Variants in SPATC1L observed in about 807,000 individuals in gnomAD.
SPATC1L encodes the protein speriolin-like protein.
SPATC1L carries 20 observed loss-of-function variants against 21.2 expected under a neutral mutation model. That is an observed-to-expected ratio of 0.94 (90% CI 0.66 to 1.37). SPATC1L has a LOEUF of 1.37. Among genes scored for constraint, SPATC1L ranks in the 40% most tolerant of loss-of-function variants. SPATC1L has a pLI of 0.00. For synonymous variants in SPATC1L, 290 were observed against 234.5 expected (o/e 1.24, Z -2.16); for missense variants, 499 against 478.7 (o/e 1.04, Z -0.40).
chr21:46,171,107 G>C lies in SPATC1L; in HGVS notation c.194-2449C>G, dbSNP rs963730283. ...TCACTTTCTTTGCTTTCCACACCAA[G>C]GGGGAGGGTCCATGCCCACCAACAC... On this transcript the variant is annotated intron_variant, in intron 2 of 4. Coordinates refer to ENST00000291672, the MANE Select transcript of SPATC1L (RefSeq NM_001142854.2). Among the ~76,000 whole-genome samples the C allele has an allele frequency of 7.9e-5, 12 of 152,354 alleles. No homozygotes were observed. The South Asian group carries it at 2.5e-3, about 32-fold the overall frequency.
intron 2 of SPATC1L, among the ~76,000 whole-genome samples, chr21:46,169,316 GC>G (rs1239795911): frequency 6.8e-6 from 1 of 146,972 alleles, no homozygotes; most frequent in Non-Finnish European, 1.5e-5. Context: ...ATGGGGAGGA[GC>G]CTCCTGCTCT....
rs575988996 is a variant in SPATC1L, at chr21:46,167,550, C to T, written c.544+758G>A. ...AATTGACAGGCCAGGCATGGTGGCT[C>T]ATGCCTGTAATCCCAGCATTTTGGG... On this transcript the variant is annotated intron_variant, in intron 3 of 4. Transcript: ENST00000291672. 2.5e-4 allele frequency among the ~76,000 whole-genome samples: 38 copies of T among 152,280 alleles called. 1 individual carries two copies. Among genetic ancestry groups the T allele is most frequent in the South Asian group, 2.3e-3 (11 of 4,822 alleles).
chr21:46,174,866 C>T (rs2079620984), intron 2 of SPATC1L, among the ~76,000 whole-genome samples: 2 of 152,236 alleles, frequency 1.3e-5, no homozygotes, highest in Non-Finnish European at 2.9e-5. Context: ...ACATTCTTCT[C>T]ATTGCCACAT....
At chr21:46,174,667 T>G (rs1283042844) in intron 2 of SPATC1L, among the ~76,000 whole-genome samples, 3 of 152,148 alleles carry the variant, frequency 2.0e-5, no homozygotes, top group Admixed American at 1.3e-4. Flanking sequence ...ATAAAGCAAG[T>G]TCTCAGAGAC....
chr21:46,178,400 T>C (rs1177266940), intron 2 of SPATC1L, among the ~76,000 whole-genome samples: 2 of 151,872 alleles, frequency 1.3e-5, no homozygotes. Flanking sequence ...CGTGGACACA[T>C]AGAGGGGAAC....
chr21:46,164,002 ATTGT>A (rs367633510), intron 3 of SPATC1L, among the ~76,000 whole-genome samples: 73 of 151,834 alleles, frequency 4.8e-4, no homozygotes, highest in South Asian at 4.6e-3. Flanking sequence ...TTATTTATTT[ATTGT>A]TTGTTTGTTT....
rs571011135 is a variant in SPATC1L, at chr21:46,164,717, G to A, written c.545-2650C>T. ...TGAGGCAGGAGAATGGCTTGAACCCGGGAGGTGGATGTTGCAGTGAGCCGA... is the reference window on the plus strand; with the variant it reads ...TGAGGCAGGAGAATGGCTTGAACCCAGGAGGTGGATGTTGCAGTGAGCCGA... On this transcript the variant is annotated intron_variant, in intron 3 of 4. Transcript: ENST00000291672. 1.1e-4 allele frequency among the ~76,000 whole-genome samples: 16 copies of A among 151,222 alleles called. No individual in the cohort carries two copies. In the East Asian group the frequency reaches 1.9e-3, roughly 18 times the overall value.
Position 46,182,613 on chromosome 21 carries a change from C to A in SPATC1L, c.193+11G>T. 1 of 1,469,658 alleles carries A rather than the reference C, an allele frequency of 6.8e-7. No homozygotes were observed. The highest frequency in any genetic ancestry group is 9.0e-7 in the Non-Finnish European group (1 of 1,110,764). The allele number at this position is 1,469,658 out of a possible 1,614,324, so 91.0% of individuals were successfully genotyped here. On this transcript the variant is annotated intron_variant, in intron 2 of 4. Transcript: ENST00000291672. ...CATCTACCAGGCCATCTGAGCTGGG[C>A]GGCGCCTCACCTCCGCTCCCGGGGG...
At chr21:46,171,764 C>G (rs2079592056) in intron 2 of SPATC1L, among the ~76,000 whole-genome samples, 1 of 151,882 alleles carries the variant, frequency 6.6e-6, no homozygotes, top group African/African-American at 2.4e-5. Context: ...TGATTATTCC[C>G]CAGAGGGCTG....
At chr21:46,168,696 T>A (rs569011729) in intron 2 of SPATC1L, 38 bp from the exon 3 acceptor site, 195 of 1,308,042 alleles carry the variant, frequency 1.5e-4, no homozygotes, top group Admixed American at 1.9e-4. Context: ...ATCAGGCTGA[T>A]GCTCCTAAAA....
rs12482867 is a variant in SPATC1L at position 46,169,358 on chromosome 21, C to T, written c.194-700G>A. Among the ~76,000 whole-genome samples the T allele has an allele frequency of 1.4e-3, 142 of 98,580 alleles. 1 individual carries two copies. The highest frequency in any genetic ancestry group is 4.8e-3 in the African/African-American group (120 of 24,902). 64.7% of individuals were successfully genotyped at this position (98,580 alleles called of 152,430 possible). A position where few individuals can be genotyped will look rare whatever the true frequency, so the allele number is the denominator to read the frequency against. On this transcript the variant is annotated intron_variant, in intron 2 of 4. Coordinates refer to ENST00000291672, the MANE Select transcript of SPATC1L (RefSeq NM_001142854.2). ...CATCCTCTGTGGATGGGGAGGAGCC[C>T]CCTGCTCTGTGAGCATCCTCTGTGG...
chr21:46,168,986 C>T (rs1288691927), intron 2 of SPATC1L, among the ~76,000 whole-genome samples: 3 of 152,346 alleles, frequency 2.0e-5, no homozygotes, highest in Non-Finnish European at 2.9e-5. Flanking sequence ...TTAAGTTGTA[C>T]ATAAATGGTA....
In SPATC1L at chr21:46,161,950, AAGCCGTAG is replaced by A. The variant is rs1568995751; in HGVS notation, c.654_661del (p.Tyr219HisfsTer?). ...CTTCTCGGGGATGTTGGCCACCGTG[AAGCCGTAG>A]AGCCGCGTCACGCCCGGGAACACGT... On this transcript the variant is annotated frameshift_variant, in exon 4 of 5. Coordinates refer to ENST00000291672, the MANE Select transcript of SPATC1L (RefSeq NM_001142854.2). LOFTEE classifies it low-confidence loss of function (END_TRUNC). The A allele has an allele frequency of 6.2e-7, 1 of 1,608,248 alleles. No homozygotes were observed. Among genetic ancestry groups the A allele is most frequent in the East Asian group, 2.2e-5 (1 of 44,826 alleles).
In SPATC1L at chr21:46,161,348, AC is replaced by A. The variant is rs1388076971; in HGVS notation, c.*30del. 6.7e-7 allele frequency: 1 copy of A among 1,482,292 alleles called. No homozygotes were observed. The highest frequency in any genetic ancestry group is 8.9e-7 in the Non-Finnish European group (1 of 1,121,906). The allele number at this position is 1,482,292 out of a possible 1,614,324, so 91.8% of individuals were successfully genotyped here. On this transcript the variant is annotated 3_prime_UTR_variant, in exon 5 of 5. Transcript: ENST00000291672. ...GCCCCGGGTTGGAACAAACGCGTTT[AC>A]TGCAGGCAAGGCGGCGGGCGCGGGG...
chr21:46,171,476 C>T (rs1057300577), intron 2 of SPATC1L, among the ~76,000 whole-genome samples: 15 of 151,560 alleles, frequency 9.9e-5, no homozygotes, highest in African/African-American at 3.4e-4. Context: ...CTAATCTTCC[C>T]TCTGAAATGT....
intron 2 of SPATC1L, among the ~76,000 whole-genome samples, chr21:46,172,484 A>T (rs1377590475): frequency 1.3e-5 from 2 of 152,244 alleles, no homozygotes; most frequent in Non-Finnish European, 2.9e-5. Context: ...AAGAACAGGA[A>T]GGACTCTTCC....
Position 46,161,189 on chromosome 21 carries a change from G to C in SPATC1L, c.*190C>G, listed in dbSNP as rs979121455. The C allele has an allele frequency of 3.8e-5, 18 of 472,374 alleles. 1 individual carries two copies. The highest frequency in any genetic ancestry group is 7.4e-5 in the East Asian group (2 of 27,114). The allele number at this position is 472,374 out of a possible 1,614,324, so 29.3% of individuals were successfully genotyped here. On this transcript the variant is annotated 3_prime_UTR_variant, in exon 5 of 5. Coordinates refer to ENST00000291672, the MANE Select transcript of SPATC1L (RefSeq NM_001142854.2). ...AACGGATGATTTTAATGAGGGGTGA[G>C]AAGCACTCCGCAGGTGCGGGCAGCG...
rs760305218 is a variant in SPATC1L at position 46,161,618 on chromosome 21, C to G, written c.784G>C (p.Glu262Gln). 9 of 1,610,302 alleles carry G rather than the reference C, an allele frequency of 5.6e-6. No individual in the cohort carries two copies. Among genetic ancestry groups the G allele is most frequent in the Non-Finnish European group, 7.6e-6 (9 of 1,179,070 alleles). ...ACGTCGCGGCTGTAGCCCAGCTTCT[C>G]CAGGCGCGCGCTCAGGGCCAGGTAG... ...QRYLALSARLEKLGYSRDVHP... is the reference protein window; with the variant it reads ...QRYLALSARLQKLGYSRDVHP... Residue 262 changes from glutamate (E) to glutamine (Q), a missense_variant, in exon 5 of 5, where the codon GAG (glutamate) becomes CAG (glutamine). By Grantham distance (29) the Glu-to-Gln change is conservative (BLOSUM62 2). Transcript: ENST00000291672.
chr21:46,181,144 C>T (rs572767537), intron 2 of SPATC1L, among the ~76,000 whole-genome samples: 19 of 152,336 alleles, frequency 1.2e-4, no homozygotes, highest in Admixed American at 1.1e-3. Context: ...GGTCCACACA[C>T]GCCAAACAGA....
Sources: gnomAD v4.1 joint callset for allele counts (sites outside exome capture counted in the v4.1 genomes callset) on GRCh38, gnomAD v4.1.1 for gene constraint, MANE v1.5 for transcripts, NCBI Gene and HGNC (gene_info 2026-07-23, HGNC 2026-07-21) for gene names.